The following PDGFD variants were observed in gnomAD, a reference collection of about 807,000 sequenced individuals.
The protein encoded by PDGFD is platelet derived growth factor D, also known as platelet-derived growth factor D.
PDGFD carries 30 observed loss-of-function variants against 44.7 expected under a neutral mutation model. That is an observed-to-expected ratio of 0.67 (90% CI 0.50 to 0.91). PDGFD has a LOEUF of 0.91. PDGFD is among the 40% of genes least tolerant of loss of function. The probability of loss-of-function intolerance (pLI) is 0.00; values close to 1 mark genes in which losing one functional copy is unlikely to be tolerated. For synonymous variants in PDGFD, 173 were observed against 168.4 expected (o/e 1.03, Z -0.21); for missense variants, 445 against 457.8 (o/e 0.97, Z 0.25).
intron 1 of PDGFD, among the ~76,000 whole-genome samples, chr11:104,116,076 C>T (rs1299183277): frequency 4.6e-5 from 7 of 151,948 alleles, no homozygotes; most frequent in Non-Finnish European, 1.5e-5. Flanking sequence ...ATTGCAATTG[C>T]TTTTGGGTTC....
rs760913631 is a variant in PDGFD at position 104,163,809 on chromosome 11, C to G, written c.119G>C (p.Arg40Pro). ...AAATAAAATGAGTCTCTTACCATCT[C>G]GCCTGAGGTTGGCGTTGCGCAAAGC... is the stretch of plus-strand genomic sequence containing the variant. Reference protein sequence around the residue: ...IKALRNANLRRDESNHLTDLY... With the variant: ...IKALRNANLRPDESNHLTDLY... Residue 40 changes from arginine (R) to proline (P), a missense_variant, in exon 1 of 7, where the codon CGA becomes CCA. By Grantham distance (103) the Arg-to-Pro change is moderately radical. Coordinates refer to ENST00000393158, the MANE Select transcript of PDGFD (RefSeq NM_025208.5). The G allele has an allele frequency of 1.3e-6, 2 of 1,543,274 alleles. No individual in the cohort carries two copies. Among genetic ancestry groups the G allele is most frequent in the South Asian group, 2.5e-5 (2 of 80,968 alleles).
chr11:103,909,698 C>T lies in PDGFD; in HGVS notation c.1109G>A (p.Arg370Gln), dbSNP rs766800369. ...CDCICSSRPP[R>Q] The stretch of plus-strand genomic sequence containing the variant: ...TGTAAGGATGTGCACATTCTCTTAT[C>T]GAGGTGGTCTTGAGCTGCAGATACA... Residue 370 changes from arginine (R) to glutamine (Q), a missense_variant, in exon 7 of 7, where the codon CGA becomes CAA. Coordinates refer to ENST00000393158, the MANE Select transcript of PDGFD (RefSeq NM_025208.5). The T allele has an allele frequency of 1.2e-6, 2 of 1,614,024 alleles. No individual in the cohort carries two copies. The highest frequency in any genetic ancestry group is 1.1e-5 in the South Asian group (1 of 91,078).
chr11:104,067,900 C>T (rs529987517), intron 1 of PDGFD, among the ~76,000 whole-genome samples: 1 of 152,086 alleles, frequency 6.6e-6, no homozygotes, highest in African/African-American at 2.4e-5. Context: ...AACACTTTTG[C>T]TTTATTTCTT....
intron 1 of PDGFD, among the ~76,000 whole-genome samples, chr11:104,118,746 T>TTATATGGTATATATTATAAATATTAA (rs1861678439): frequency 1.0e-5 from 1 of 96,374 alleles, no homozygotes; most frequent in African/African-American, 4.0e-5. Flanking sequence ...ATATATATTA[T>TTATATGGTATATATTATAAATATTAA]TATATAGTAT....
chr11:104,118,778 A>T (rs1444470386), intron 1 of PDGFD, among the ~76,000 whole-genome samples: 1 of 75,638 alleles, frequency 1.3e-5, no homozygotes, highest in Non-Finnish European at 2.5e-5. Context: ...ATTAATATAT[A>T]ATATATTATA....
At chr11:104,025,946 C>A (rs1222544530) in intron 1 of PDGFD, among the ~76,000 whole-genome samples, 2 of 152,204 alleles carry the variant, frequency 1.3e-5, no homozygotes, top group Non-Finnish European at 2.9e-5. Flanking sequence ...TTAGGCACCA[C>A]ATGGGCTCTC....
At chr11:104,015,077 T>C (rs1294762710) in intron 1 of PDGFD, among the ~76,000 whole-genome samples, 1 of 152,226 alleles carries the variant, frequency 6.6e-6, no homozygotes, top group Non-Finnish European at 1.5e-5. Flanking sequence ...TTCCCGTCAT[T>C]TGAAGGCTTC....
At chr11:104,116,042 T>C (rs933945835) in intron 1 of PDGFD, among the ~76,000 whole-genome samples, 5 of 152,042 alleles carry the variant, frequency 3.3e-5, no homozygotes, top group Non-Finnish European at 7.4e-5. Flanking sequence ...TTTAATTAAG[T>C]CCCAGCTACT....
At chr11:103,965,642 G>A (rs1859007210) in intron 3 of PDGFD, among the ~76,000 whole-genome samples, 1 of 152,180 alleles carries the variant, frequency 6.6e-6, no homozygotes, top group Non-Finnish European at 1.5e-5. Context: ...GGGCAGCAGA[G>A]GGTTGGGGTT....
intron 3 of PDGFD, among the ~76,000 whole-genome samples, chr11:103,967,423 T>C (rs1013809686): frequency 6.6e-6 from 1 of 152,204 alleles, no homozygotes; most frequent in African/African-American, 2.4e-5. Context: ...CCTCTTAATC[T>C]GAAGTCTTAG....
At chr11:104,043,051 G>A (rs904086092) in intron 1 of PDGFD, among the ~76,000 whole-genome samples, 1 of 151,938 alleles carries the variant, frequency 6.6e-6, no homozygotes, top group East Asian at 1.9e-4. Context: ...TTAAATTATA[G>A]CATTAACCTT....
At position 104,104,556 on chromosome 11, in the gene PDGFD, C is replaced by T. The variant is rs564218707; in HGVS notation, c.124+59248G>A. ...TACATAACATTGTGTTACGACTGCC[C>T]ACAGTATTTAGTAGAATAACATGCT... On this transcript the variant is annotated intron_variant, in intron 1 of 6. Transcript: ENST00000393158. Among the ~76,000 whole-genome samples the T allele has an allele frequency of 4.6e-5, 7 of 152,076 alleles. No individual in the cohort carries two copies. The East Asian group carries it at 1.4e-3, about 29-fold the overall frequency.
intron 1 of PDGFD, among the ~76,000 whole-genome samples, chr11:104,109,383 G>A (rs376010529): frequency 3.3e-5 from 5 of 152,048 alleles, no homozygotes; most frequent in African/African-American, 4.8e-5. Flanking sequence ...ATACTTCATC[G>A]GGTTACTGAA....
At chr11:104,131,133 T>C (rs1177373226) in intron 1 of PDGFD, among the ~76,000 whole-genome samples, 3 of 152,206 alleles carry the variant, frequency 2.0e-5, no homozygotes, top group Non-Finnish European at 4.4e-5. Flanking sequence ...CAAAACAATA[T>C]TAGTTTTGTA....
At chr11:103,926,719 C>T (rs952100675) in intron 6 of PDGFD, among the ~76,000 whole-genome samples, 193 bp downstream of exon 6, 15 of 152,152 alleles carry the variant, frequency 9.9e-5, no homozygotes, top group African/African-American at 3.1e-4. Flanking sequence ...ACAGTGCCTT[C>T]GTCAGGATAG....
chr11:104,087,018 A>G (rs915277482), intron 1 of PDGFD, among the ~76,000 whole-genome samples: 1 of 108,314 alleles, frequency 9.2e-6, no homozygotes, highest in Non-Finnish European at 1.7e-5. Context: ...CTAGGCTCTT[A>G]GTCTTTTTTT....
At chr11:103,933,035 G>C (rs1858430102) in intron 5 of PDGFD, among the ~76,000 whole-genome samples, 2 of 152,174 alleles carry the variant, frequency 1.3e-5, no homozygotes, top group South Asian at 2.1e-4. Flanking sequence ...ACATGGTAGA[G>C]CATGGTCTTG....
At chr11:104,050,828 T>G (rs1427298980) in intron 1 of PDGFD, among the ~76,000 whole-genome samples, 2 of 151,920 alleles carry the variant, frequency 1.3e-5, no homozygotes, top group Non-Finnish European at 2.9e-5. Flanking sequence ...ACTCCAAGAG[T>G]CCTCTCAACT....
intron 1 of PDGFD, among the ~76,000 whole-genome samples, chr11:104,116,839 C>T (rs1234020773): frequency 1.3e-5 from 2 of 151,932 alleles, no homozygotes; most frequent in South Asian, 2.1e-4. Flanking sequence ...ATGGGTTTAT[C>T]AGGGGTTTCT....
Sources: gnomAD v4.1 joint callset for allele counts (sites outside exome capture counted in the v4.1 genomes callset) on GRCh38, gnomAD v4.1.1 for gene constraint, MANE v1.5 for transcripts, NCBI Gene and HGNC (gene_info 2026-07-23, HGNC 2026-07-21) for gene names.